The following NBPF9 variants were observed in gnomAD, a reference collection of about 807,000 sequenced individuals.
NBPF9 encodes NBPF family member NBPF9.
In NBPF9, 91 loss-of-function variants were observed where a neutral mutation model predicts 97.8. That is an observed-to-expected ratio of 0.93 (90% CI 0.79 to 1.11). The LOEUF (loss-of-function observed/expected upper bound fraction) is 1.11. Ranked by LOEUF, NBPF9 falls within the 50% of genes least tolerant of loss-of-function variation. The pLI is 0.00. For synonymous variants in NBPF9, 334 were observed against 359.5 expected (o/e 0.93, Z 0.80); for missense variants, 992 against 939.5 (o/e 1.06, Z -0.73).
chr1:149,069,669 G>A, intron 16 of NBPF9, 24 bp from the exon 17 acceptor site: 3 of 769,216 alleles, frequency 3.9e-6, no homozygotes, highest in East Asian at 4.9e-5. Context: ...CAGAGAAGCA[G>A]GTCACATTAA....
intron 2 of NBPF9, among the ~76,000 whole-genome samples, chr1:149,101,846 T>G (rs2082162517): frequency 6.6e-6 from 1 of 151,054 alleles, no homozygotes; most frequent in Non-Finnish European, 1.5e-5. Context: ...ATGCCACTCC[T>G]ACAAATATAC....
chr1:149,061,137 G>C (rs1459308761), intron 23 of NBPF9, 195 bp downstream of exon 23: 5 of 374,214 alleles, frequency 1.3e-5, no homozygotes, highest in East Asian at 3.4e-5. Flanking sequence ...CCTACAGTAG[G>C]TTAGTAAATG....
Position 149,077,843 on chromosome 1 carries a change from T to G in NBPF9, c.566+40A>C, listed in dbSNP as rs1198601390. The G allele has an allele frequency of 4.4e-6, 7 of 1,594,632 alleles. No homozygotes were observed. In the Admixed American group the frequency reaches 1.2e-4, roughly 27 times the overall value. On this transcript the variant is annotated intron_variant, in intron 10 of 29. Coordinates refer to ENST00000584027, the Ensembl canonical transcript of NBPF9. ...GGTGTGCCTCCTAGACATCTTCATA[T>G]GTTACCACCCATTACTTGCTCCTGA...
intron 5 of NBPF9, among the ~76,000 whole-genome samples, chr1:149,089,751 G>A (rs1182821538): frequency 6.6e-6 from 1 of 152,310 alleles, no homozygotes; most frequent in Admixed American, 6.5e-5. Context: ...TCCAACAGTT[G>A]TATTATAAAG....
intron 17 of NBPF9, among the ~76,000 whole-genome samples, chr1:149,067,708 C>A (rs2079120156): frequency 6.8e-6 from 1 of 146,692 alleles, no homozygotes; most frequent in African/African-American, 2.6e-5. Flanking sequence ...TCCAGTCTAT[C>A]ATTGCTGGAT....
At chr1:149,097,052 T>TGGAGGGAG (rs1200291351) in intron 4 of NBPF9, among the ~76,000 whole-genome samples, 1 of 120,886 alleles carries the variant, frequency 8.3e-6, no homozygotes, top group African/African-American at 3.3e-5. Flanking sequence ...AAGGAAAGAA[T>TGGAGGGAG]GGAGGGAGGG....
Position 149,098,527 on chromosome 1 carries a change from G to A in NBPF9, c.-426C>T, listed in dbSNP as rs1353657479. On this transcript the variant is annotated 5_prime_UTR_variant, in exon 4 of 30. The change creates a premature stop within an existing upstream ORF in the 5' untranslated region. Transcript: ENST00000584027. Reference sequence around the variant, plus strand: ...GGGGAAGTTTCTACATCAGTACCTCGGAGAGTCCACTGGAAGCCCTGGACA... The same window carrying A: ...GGGGAAGTTTCTACATCAGTACCTCAGAGAGTCCACTGGAAGCCCTGGACA... 3.1e-5 allele frequency: 47 copies of A among 1,505,112 alleles called. No individual in the cohort carries two copies. Among genetic ancestry groups the A allele is most frequent in the Middle Eastern group, 2.5e-4 (1 of 4,058 alleles). The allele number at this position is 1,505,112 out of a possible 1,614,324, so 93.2% of individuals were successfully genotyped here.
rs782201157 is a variant in NBPF9, at chr1:149,055,862, C to T, written c.3130G>A (p.Val1044Ile). 384 of 1,608,526 alleles carry T rather than the reference C, an allele frequency of 2.4e-4. 9 individuals carry two copies. Among genetic ancestry groups the T allele is most frequent in the Non-Finnish European group, 2.9e-4 (345 of 1,179,258 alleles). ...CATCCATCCAGTGAGTCCTGCAAGA[C>T]TTCAGGCTCTTCCACTTCCATCAGC... Residue 1044 changes from valine to isoleucine, a missense_variant, in exon 30 of 30, where the codon GTC (valine) becomes ATC (isoleucine). By Grantham distance (29) the Val-to-Ile change is conservative (BLOSUM62 3). This residue lies in a region of NBPF9 where 397 missense variants were observed against 213.6 expected (regional missense o/e 1.86). Transcript: ENST00000584027.
intron 3 of NBPF9, among the ~76,000 whole-genome samples, chr1:149,099,799 C>T (rs1252242645): frequency 6.6e-6 from 1 of 151,626 alleles, no homozygotes; most frequent in Non-Finnish European, 1.5e-5. Flanking sequence ...AGTCTGGGCA[C>T]TACAGGAAAA....
At chr1:149,088,454 A>G (rs2081188319) in intron 5 of NBPF9, among the ~76,000 whole-genome samples, 1 of 152,216 alleles carries the variant, frequency 6.6e-6, no homozygotes, top group South Asian at 2.1e-4. Context: ...AAGAGTAACA[A>G]CAGGTATTCT....
In NBPF9 at chr1:149,102,834, T is replaced by A. The variant is rs2082234429; in HGVS notation, c.-829A>T. The A allele has an allele frequency of 6.6e-6, 1 of 151,960 alleles. No homozygotes were observed. The highest frequency in any genetic ancestry group is 1.5e-5 in the Non-Finnish European group (1 of 67,980). 9.4% of individuals were successfully genotyped at this position (151,960 alleles called of 1,614,324 possible). A position where few individuals can be genotyped will look rare whatever the true frequency, so the allele number is the denominator to read the frequency against. The stretch of plus-strand genomic sequence containing the variant: ...CATCCTGGACTTGGTACACCCGGCT[T>A]GCCCATCACCAGCCTGGAGAAACCG... On this transcript the variant is annotated 5_prime_UTR_variant, in exon 2 of 30. The change creates a premature stop within an existing upstream ORF in the 5' untranslated region. Transcript: ENST00000584027.
chr1:149,059,248 A>G lies in NBPF9; in HGVS notation c.2586-151T>C, dbSNP rs1411682294. 3.0e-5 allele frequency: 14 copies of G among 461,088 alleles called. 4 individuals are homozygous for G. In the Admixed American group the frequency reaches 4.9e-4, roughly 16 times the overall value. The allele number at this position is 461,088 out of a possible 1,614,324, so 28.6% of individuals were successfully genotyped here. On this transcript the variant is annotated intron_variant, in intron 25 of 29. Coordinates refer to ENST00000584027, the Ensembl canonical transcript of NBPF9. ...AATGAATTATTGCCTTTAGGTTGGGATAGACCAGGGCCAGGTAGAAAAGAA... is the reference window on the plus strand; with the variant it reads ...AATGAATTATTGCCTTTAGGTTGGGGTAGACCAGGGCCAGGTAGAAAAGAA...
At chr1:149,087,594 C>T (rs1274744572) in intron 5 of NBPF9, among the ~76,000 whole-genome samples, 5 of 149,808 alleles carry the variant, frequency 3.3e-5, no homozygotes, top group Non-Finnish European at 1.5e-5. Flanking sequence ...TTGACATTAC[C>T]ATATAAATGG....
At position 149,082,040 on chromosome 1, in the gene NBPF9, G is replaced by A; in HGVS notation, c.100C>T (p.Gln34Ter). 3.7e-6 allele frequency: 6 copies of A among 1,610,776 alleles called. No homozygotes were observed. Among genetic ancestry groups the A allele is most frequent in the Non-Finnish European group, 5.1e-6 (6 of 1,179,338 alleles). Reference sequence around the variant, plus strand: ...CATCTCTCTTTGAGGTTTCCGAACTGCTGTTTGTTCTCTGCCAACTGGGGG... The same window carrying A: ...CATCTCTCTTTGAGGTTTCCGAACTACTGTTTGTTCTCTGCCAACTGGGGG... The change falls in exon 7 of 30, where the codon CAG becomes TAG. Residue 34 changes from glutamine to a stop codon, truncating the protein, a stop_gained. Transcript: ENST00000584027. LOFTEE classifies it high-confidence loss of function.
Position 149,061,310 on chromosome 1 carries a change from C to A in NBPF9, c.2303+22G>T, listed in dbSNP as rs1202295359. ...TCTCCAGATGTCAACACAGAAGTAG[C>A]TGTTCACAATTGCTCAGTTACCTGG... is the stretch of plus-strand genomic sequence containing the variant. On this transcript the variant is annotated intron_variant, in intron 23 of 29. Transcript: ENST00000584027. The A allele has an allele frequency of 3.9e-3, 1,619 of 410,812 alleles. 318 individuals are homozygous for A. Among genetic ancestry groups the A allele is most frequent in the Non-Finnish European group, 5.0e-3 (1,118 of 225,668 alleles). 25.4% of individuals were successfully genotyped at this position (410,812 alleles called of 1,614,324 possible).
chr1:149,073,210 A>T (rs1462922176), intron 13 of NBPF9, among the ~76,000 whole-genome samples: 1 of 148,516 alleles, frequency 6.7e-6, no homozygotes, highest in African/African-American at 2.5e-5. Flanking sequence ...CATTTCAAAA[A>T]GACATCCTTT....
intron 5 of NBPF9, among the ~76,000 whole-genome samples, chr1:149,085,054 G>A (rs1388305402): frequency 1.3e-5 from 2 of 151,850 alleles, no homozygotes; most frequent in African/African-American, 4.8e-5. Flanking sequence ...GCTCCCCACA[G>A]CTTTGCCCAC....
At chr1:149,089,468 C>T (rs1332843242) in intron 5 of NBPF9, among the ~76,000 whole-genome samples, 1 of 152,276 alleles carries the variant, frequency 6.6e-6, no homozygotes, top group Non-Finnish European at 1.5e-5. Flanking sequence ...TCGGGTGCCC[C>T]CATTGCTAAA....
In NBPF9 at chr1:149,076,325, G is replaced by A. The variant is rs587638976; in HGVS notation, c.779-461C>T. On this transcript the variant is annotated intron_variant, in intron 11 of 29. Coordinates refer to ENST00000584027, the Ensembl canonical transcript of NBPF9. ...TGATTCTCATCCCTCAGCCGGCCAAGCATCTGGGATTACAAGGGCCAAGTA... is the reference window on the plus strand; with the variant it reads ...TGATTCTCATCCCTCAGCCGGCCAAACATCTGGGATTACAAGGGCCAAGTA... Among the ~76,000 whole-genome samples, 115 of 151,000 alleles carry A rather than the reference G, an allele frequency of 7.6e-4. 3 individuals are homozygous for A. Among genetic ancestry groups the A allele is most frequent in the Middle Eastern group, 3.4e-3 (1 of 290 alleles).
Sources: gnomAD v4.1 joint callset for allele counts (sites outside exome capture counted in the v4.1 genomes callset) on GRCh38, gnomAD v4.1.1 for gene constraint, gnomAD v4.1.1 regional missense constraint, MANE v1.5 for transcripts, NCBI Gene and HGNC (gene_info 2026-07-23, HGNC 2026-07-21) for gene names.